The following MYO5A variants were observed in gnomAD, a reference collection of about 807,000 sequenced individuals.
MYO5A encodes unconventional myosin-Va.
A neutral mutation model predicts 249.7 loss-of-function variants in MYO5A; 98 were observed. The observed-to-expected ratio is 0.39, with a 90% CI of 0.33 to 0.46. The LOEUF (loss-of-function observed/expected upper bound fraction) is 0.46. MYO5A is among the 20% of genes least tolerant of loss of function. The pLI, the probability that MYO5A is intolerant of heterozygous loss-of-function variation, is 0.98. For synonymous variants in MYO5A, 778 were observed against 810.6 expected, an observed-to-expected ratio of 0.96 and a Z score of 0.68; for missense variants, 1,696 against 2,308.8, an observed-to-expected ratio of 0.73 and a Z score of 5.44.
chr15:52,327,349 C>T (rs1211796107), intron 36 of MYO5A, among the ~76,000 whole-genome samples: 1 of 152,156 alleles, frequency 6.6e-6, no homozygotes. Context: ...AACTTGAGCC[C>T]TGTTTTGAAA....
intron 1 of MYO5A, among the ~76,000 whole-genome samples, chr15:52,473,362 G>T (rs925289562): frequency 6.6e-6 from 1 of 152,168 alleles, no homozygotes; most frequent in Non-Finnish European, 1.5e-5. Context: ...CACTCTGATA[G>T]TAGTTTCTTT....
chr15:52,522,644 A>G (rs1466635708), intron 1 of MYO5A, among the ~76,000 whole-genome samples: 1 of 152,182 alleles, frequency 6.6e-6, no homozygotes, highest in African/African-American at 2.4e-5. Context: ...AATTCTCCCA[A>G]TGGAGGCAAA....
At chr15:52,481,437 G>C (rs544632057) in intron 1 of MYO5A, among the ~76,000 whole-genome samples, 1 of 152,334 alleles carries the variant, frequency 6.6e-6, no homozygotes, top group South Asian at 2.1e-4. Context: ...AAATGGGTAA[G>C]ATGTTTTCCC....
chr15:52,481,504 A>C (rs2076713846), intron 1 of MYO5A, among the ~76,000 whole-genome samples: 1 of 152,220 alleles, frequency 6.6e-6, no homozygotes, highest in African/African-American at 2.4e-5. Context: ...AATATGACAC[A>C]CAAAGTTCTG....
At chr15:52,321,644 A>G in intron 37 of MYO5A, 135 bp from the exon 38 acceptor site, 2 of 938,626 alleles carry the variant, frequency 2.1e-6, no homozygotes, top group Non-Finnish European at 3.4e-6. Flanking sequence ...GCCAGGACTG[A>G]CATTCTCAAA....
At chr15:52,497,010 G>GCACTGCAGTGACACAATCACGACT (rs2077051034) in intron 1 of MYO5A, among the ~76,000 whole-genome samples, 2 of 152,144 alleles carry the variant, frequency 1.3e-5, no homozygotes, top group African/African-American at 4.8e-5. Flanking sequence ...CACCCAGGCT[G>GCACTGCAGTGACACAATCACGACT]CACTGCAGTG....
intron 1 of MYO5A, among the ~76,000 whole-genome samples, chr15:52,482,663 G>A: frequency 6.6e-6 from 1 of 151,670 alleles, no homozygotes; most frequent in African/African-American, 2.4e-5. Flanking sequence ...TTTAATAAAA[G>A]GTAAGACTGT....
intron 1 of MYO5A, among the ~76,000 whole-genome samples, chr15:52,453,241 C>T (rs576546835): frequency 1.2e-4 from 18 of 152,012 alleles, no homozygotes; most frequent in African/African-American, 2.7e-4. Context: ...ACCTCTCAAG[C>T]GAAAGTATAT....
intron 30 of MYO5A, among the ~76,000 whole-genome samples, chr15:52,343,818 T>C (rs1220207957): frequency 6.6e-6 from 1 of 152,232 alleles, no homozygotes; most frequent in Non-Finnish European, 1.5e-5. Flanking sequence ...ATATTAGAGA[T>C]GTATCACATC....
chr15:52,343,300 G>A (rs980161817), intron 30 of MYO5A, 103 bp from the exon 31 acceptor site: 3 of 1,012,332 alleles, frequency 3.0e-6, no homozygotes, highest in Admixed American at 1.8e-5. Context: ...CATTTTATAA[G>A]TTTGTTTTTA....
chr15:52,475,888 T>C (rs955718529), intron 1 of MYO5A, among the ~76,000 whole-genome samples: 1 of 152,232 alleles, frequency 6.6e-6, no homozygotes, highest in African/African-American at 2.4e-5. Context: ...GAGAGTTCTG[T>C]AGATGTCTAT....
At chr15:52,359,645 C>A (rs977703872) in intron 25 of MYO5A, among the ~76,000 whole-genome samples, 9 of 151,980 alleles carry the variant, frequency 5.9e-5, no homozygotes, top group Admixed American at 4.6e-4. Flanking sequence ...AAATAATTTA[C>A]CTCAGTCTGA....
Position 52,407,339 on chromosome 15 carries a change from T to G in MYO5A, c.899A>C (p.Asp300Ala), listed in dbSNP as rs1466696738. 2 of 1,613,772 alleles carry G rather than the reference T, an allele frequency of 1.2e-6. No homozygotes were observed. ...AGTATGTGCCATCTCCTTTGCATCA[T>G]CCACTCCTTCAATCACAGGACTGCC... ...QGGSPVIEGV[D>A]DAKEMAHTRQ... Residue 300 changes from aspartate (D) to alanine (A), a missense_variant, in exon 8 of 42, where the codon GAT (aspartate) becomes GCT (alanine). Asp to Ala is a moderately radical substitution (Grantham distance 126, BLOSUM62 -2). Coordinates refer to ENST00000399233, the MANE Select transcript of MYO5A (RefSeq NM_001382347.1).
At chr15:52,475,182 T>A (rs2076565674) in intron 1 of MYO5A, among the ~76,000 whole-genome samples, 1 of 152,218 alleles carries the variant, frequency 6.6e-6, no homozygotes, top group Non-Finnish European at 1.5e-5. Flanking sequence ...TGTAGAGGTG[T>A]TTACAGTATT....
chr15:52,415,992 C>T lies in MYO5A; in HGVS notation c.612+153G>A, dbSNP rs1669858. On this transcript the variant is annotated intron_variant, in intron 5 of 41. Coordinates refer to ENST00000399233, the MANE Select transcript of MYO5A (RefSeq NM_001382347.1). ...GTCTACCTTACCAAGTTTTTACTTT[C>T]CCTAGATTTTTTATAAACATGTAGA... 0.43 allele frequency: 386,831 copies of T among 906,628 alleles called. 91,060 individuals carry two copies. The highest frequency in any genetic ancestry group is 0.82 in the East Asian group (30,926 of 37,808). 56.2% of individuals were successfully genotyped at this position (906,628 alleles called of 1,614,324 possible). A position where few individuals can be genotyped will look rare whatever the true frequency, so the allele number is the denominator to read the frequency against.
At chr15:52,473,854 A>T (rs537495429) in intron 1 of MYO5A, among the ~76,000 whole-genome samples, 1 of 152,352 alleles carries the variant, frequency 6.6e-6, no homozygotes, top group South Asian at 2.1e-4. Flanking sequence ...CTTTTGGCGT[A>T]GGATTGTCTT....
In MYO5A at chr15:52,504,868, G is replaced by A. The variant is rs368219747; in HGVS notation, c.27+23912C>T. On this transcript the variant is annotated intron_variant, in intron 1 of 41. Coordinates refer to ENST00000399233, the MANE Select transcript of MYO5A (RefSeq NM_001382347.1). Reference sequence around the variant, plus strand: ...CGCACCACTGCACTCCAGCCCGGGCGACACAGCGAGACTCCATCTCAAAAA... The same window carrying A: ...CGCACCACTGCACTCCAGCCCGGGCAACACAGCGAGACTCCATCTCAAAAA... Among the ~76,000 whole-genome samples, 51 of 149,454 alleles carry A rather than the reference G, an allele frequency of 3.4e-4. 1 individual carries two copies. The highest frequency in any genetic ancestry group is 1.0e-3 in the African/African-American group (42 of 40,502).
chr15:52,496,343 C>A (rs1176566521), intron 1 of MYO5A, among the ~76,000 whole-genome samples: 2 of 152,154 alleles, frequency 1.3e-5, no homozygotes, highest in Non-Finnish European at 2.9e-5. Flanking sequence ...ATGCCCACTG[C>A]ATAGCTCCTG....
intron 4 of MYO5A, among the ~76,000 whole-genome samples, chr15:52,422,235 G>C (rs1341136644): frequency 1.3e-5 from 2 of 152,194 alleles, no homozygotes; most frequent in Admixed American, 6.5e-5. Context: ...TTAAAAAGAA[G>C]CCATGAGTCA....
Sources: gnomAD v4.1 joint callset for allele counts (sites outside exome capture counted in the v4.1 genomes callset) on GRCh38, gnomAD v4.1.1 for gene constraint, MANE v1.5 for transcripts, NCBI Gene and HGNC (gene_info 2026-07-23, HGNC 2026-07-21) for gene names.